The following SYN3 variants were observed in gnomAD, a reference collection of about 807,000 sequenced individuals.
The protein encoded by SYN3 is synapsin-3.
In SYN3, 35 loss-of-function variants were observed where a neutral mutation model predicts 65.8. That is an observed-to-expected ratio of 0.53 (90% CI 0.41 to 0.70). SYN3 has a LOEUF of 0.70. SYN3 is among the 30% of genes least tolerant of loss of function. The pLI, the probability that SYN3 is intolerant of heterozygous loss-of-function variation, is 0.00. For missense variants in SYN3, 680 were observed against 749.0 expected, an observed-to-expected ratio of 0.91 and a Z score of 1.08; for synonymous variants, 270 against 292.9, an observed-to-expected ratio of 0.92 and a Z score of 0.80.
chr22:32,513,631 A>C lies in SYN3; in HGVS notation c.*61T>G, dbSNP rs570111351. 52 of 1,589,074 alleles carry C rather than the reference A, an allele frequency of 3.3e-5. 1 individual carries two copies. The South Asian group carries it at 5.9e-4, about 18-fold the overall frequency. On this transcript the variant is annotated 3_prime_UTR_variant, in exon 14 of 14. Coordinates refer to ENST00000358763, the MANE Select transcript of SYN3 (RefSeq NM_003490.4). ...CATCAGGAACCAAGGCTGAGAAGGA[A>C]GATGAGGCAGGAGGGGGACGAGTGT...
chr22:32,846,987 G>GTGACATCT (rs1216881395), intron 6 of SYN3, among the ~76,000 whole-genome samples: 1 of 152,210 alleles, frequency 6.6e-6, no homozygotes, highest in Non-Finnish European at 1.5e-5. Flanking sequence ...TATGGGGCAG[G>GTGACATCT]TCTGCTTGTG....
chr22:32,887,321 C>T (rs1350410156), intron 4 of SYN3, among the ~76,000 whole-genome samples: 2 of 151,790 alleles, frequency 1.3e-5, no homozygotes, highest in Admixed American at 6.6e-5. Context: ...GAGGCTGCTG[C>T]AAGCTATGAT....
rs2057717977 is a variant in SYN3 at position 32,513,465 on chromosome 22, C to T, written c.*227G>A. On this transcript the variant is annotated 3_prime_UTR_variant, in exon 14 of 14. Transcript: ENST00000358763. ...CATCGCTCAGGCCTGTTTTGAGGAACCTGGAGGCTCTCAAAGGCCCACCTC... is the reference window on the plus strand; with the variant it reads ...CATCGCTCAGGCCTGTTTTGAGGAATCTGGAGGCTCTCAAAGGCCCACCTC... 2.0e-6 allele frequency: 1 copy of T among 506,848 alleles called. No individual in the cohort carries two copies. The highest frequency in any genetic ancestry group is 3.3e-6 in the Non-Finnish European group (1 of 299,728). 31.4% of individuals were successfully genotyped at this position (506,848 alleles called of 1,614,324 possible).
chr22:32,990,008 T>C (rs1006318997), intron 2 of SYN3, among the ~76,000 whole-genome samples: 3 of 152,164 alleles, frequency 2.0e-5, no homozygotes, highest in South Asian at 2.1e-4. Flanking sequence ...CAAACACTTA[T>C]TGAGCATCTA....
chr22:32,534,907 C>T (rs2058138155), intron 9 of SYN3, among the ~76,000 whole-genome samples: 1 of 152,170 alleles, frequency 6.6e-6, no homozygotes, highest in Non-Finnish European at 1.5e-5. Flanking sequence ...TTCCCTCGAT[C>T]TCCTTGACTC....
Position 32,807,359 on chromosome 22 carries a change from TATA to T in SYN3, c.711+57553_711+57555del, listed in dbSNP as rs1442940587. Among the ~76,000 whole-genome samples the T allele has an allele frequency of 4.5e-4, 5 of 11,214 alleles. No homozygotes were observed. The South Asian group carries it at 0.022, about 49-fold the overall frequency. The allele number at this position is 11,214 out of a possible 152,430, so 7.4% of individuals were successfully genotyped here. A position where few individuals can be genotyped will look rare whatever the true frequency, so the allele number is the denominator to read the frequency against. ...ATATATAATATATAAATATATAATATATAATATATATTATATATAATATATATT... is the reference window on the plus strand; with the variant it reads ...ATATATAATATATAAATATATAATATATATATATTATATATAATATATATT... On this transcript the variant is annotated intron_variant, in intron 6 of 13. Transcript: ENST00000358763.
chr22:32,858,161 G>C, intron 6 of SYN3: 2 of 1,611,370 alleles, frequency 1.2e-6, no homozygotes, highest in South Asian at 2.2e-5. Flanking sequence ...GTCACTGGGG[G>C]AAGGAGGGGA....
intron 6 of SYN3, chr22:32,863,173 C>A (rs1355155475): frequency 1.3e-5 from 2 of 152,528 alleles, no homozygotes; most frequent in African/African-American, 4.8e-5. Flanking sequence ...ATGGCCTGGC[C>A]CCACCCTGCT....
intron 1 of SYN3, among the ~76,000 whole-genome samples, chr22:33,046,040 C>T (rs937240493): frequency 4.0e-5 from 6 of 149,934 alleles, no homozygotes; most frequent in Non-Finnish European, 7.4e-5. Context: ...TAGACCTGAA[C>T]AGACACTTCG....
At chr22:32,612,594 C>T (rs2059460486) in intron 6 of SYN3, among the ~76,000 whole-genome samples, 1 of 152,174 alleles carries the variant, frequency 6.6e-6, no homozygotes, top group South Asian at 2.1e-4. Context: ...GAAATCCCAA[C>T]ATTTTGGGAG....
At chr22:32,524,750 C>T (rs2084796151) in intron 12 of SYN3, among the ~76,000 whole-genome samples, 1 of 152,172 alleles carries the variant, frequency 6.6e-6, no homozygotes, top group African/African-American at 2.4e-5. Context: ...GTGGCTCATG[C>T]CTGTAATCCC....
At chr22:32,554,750 G>A (rs936457206) in intron 7 of SYN3, among the ~76,000 whole-genome samples, 2 of 152,174 alleles carry the variant, frequency 1.3e-5, no homozygotes, top group African/African-American at 2.4e-5. Context: ...TGTCCGGTGT[G>A]CTCTCGCCAT....
intron 1 of SYN3, among the ~76,000 whole-genome samples, chr22:33,047,863 CAAAAAAAAAAAAAA>C (rs58025351): frequency 0.031 from 1,653 of 53,622 alleles, 49 homozygotes; most frequent in African/African-American, 0.085. Flanking sequence ...TTTTCATGTG[CAAAAAAAAAAAAAA>C]AAAAAAAAGG....
At chr22:32,758,136 AT>A (rs2045349663) in intron 6 of SYN3, among the ~76,000 whole-genome samples, 1 of 152,172 alleles carries the variant, frequency 6.6e-6, no homozygotes, top group South Asian at 2.1e-4. Context: ...GCATTTAAAT[AT>A]TGTTAACTTT....
At chr22:32,791,317 T>C (rs946014870) in intron 6 of SYN3, among the ~76,000 whole-genome samples, 1 of 152,160 alleles carries the variant, frequency 6.6e-6, no homozygotes, top group African/African-American at 2.4e-5. Context: ...TAGAGAGCAA[T>C]GCAGGAGGCT....
At chr22:32,747,595 T>A (rs1212466508) in intron 6 of SYN3, among the ~76,000 whole-genome samples, 1 of 152,174 alleles carries the variant, frequency 6.6e-6, no homozygotes, top group Non-Finnish European at 1.5e-5. Context: ...TCAGAAGGAA[T>A]AAGGAACCAA....
At chr22:32,855,767 A>T (rs1177402063) in intron 6 of SYN3, among the ~76,000 whole-genome samples, 3 of 152,196 alleles carry the variant, frequency 2.0e-5, no homozygotes, top group African/African-American at 7.2e-5. Flanking sequence ...AATTGTCTCC[A>T]GACATTGCCA....
intron 2 of SYN3, among the ~76,000 whole-genome samples, chr22:32,992,393 T>C (rs1457607017): frequency 6.6e-6 from 1 of 152,238 alleles, no homozygotes; most frequent in Non-Finnish European, 1.5e-5. Flanking sequence ...GAATTTTCTG[T>C]ATACTGAGCT....
chr22:32,803,214 C>T (rs1054640253), intron 6 of SYN3, among the ~76,000 whole-genome samples: 2 of 151,944 alleles, frequency 1.3e-5, no homozygotes, highest in Admixed American at 1.3e-4. Flanking sequence ...CGCCCTCTGC[C>T]TGTGTCGATT....
Sources: gnomAD v4.1 joint callset for allele counts (sites outside exome capture counted in the v4.1 genomes callset) on GRCh38, gnomAD v4.1.1 for gene constraint, MANE v1.5 for transcripts, NCBI Gene and HGNC (gene_info 2026-07-23, HGNC 2026-07-21) for gene names.